MTDH: variants seen among roughly 807,000 people sequenced by gnomAD.
MTDH encodes protein LYRIC.
Under a neutral mutation model 72.7 loss-of-function variants are expected in MTDH, and 34 were observed. That is an observed-to-expected ratio of 0.47 (90% CI 0.36 to 0.62). MTDH has a LOEUF of 0.62. Among genes scored for constraint, MTDH ranks in the 20% least tolerant of loss-of-function variants. MTDH has a pLI of 0.00. For synonymous variants in MTDH, 266 were observed against 268.9 expected, an observed-to-expected ratio of 0.99 and a Z score of 0.10; for missense variants, 677 against 699.4, an observed-to-expected ratio of 0.97 and a Z score of 0.36.
At chr8:97,648,285 G>C (rs921308989) in intron 1 of MTDH, among the ~76,000 whole-genome samples, 11 of 151,296 alleles carry the variant, frequency 7.3e-5, no homozygotes, top group Non-Finnish European at 1.6e-4. Flanking sequence ...CCTGTTCCTG[G>C]CATTTTTGGA....
rs1355094826 is a variant in MTDH at position 97,728,267 on chromosome 8, G to A, written c.*3597G>A. The stretch of plus-strand genomic sequence containing the variant: ...AAATAAAACAAACCATTTTTGATTT[G>A]TTTAAATTGCTCGTTACAGTTCTCT... On this transcript the variant is annotated 3_prime_UTR_variant, in exon 12 of 12. Coordinates refer to ENST00000336273, the MANE Select transcript of MTDH (RefSeq NM_178812.4). The A allele has an allele frequency of 6.6e-6, 1 of 152,102 alleles. No individual in the cohort carries two copies. The highest frequency in any genetic ancestry group is 6.6e-5 in the Admixed American group (1 of 15,252). The allele number at this position is 152,102 out of a possible 1,614,324, so 9.4% of individuals were successfully genotyped here.
intron 2 of MTDH, among the ~76,000 whole-genome samples, 191 bp from the exon 3 acceptor site, chr8:97,686,477 A>C (rs1215116798): frequency 6.6e-6 from 1 of 152,236 alleles, no homozygotes; most frequent in Non-Finnish European, 1.5e-5. Context: ...CAGAATACTT[A>C]ACACATAGTA....
chr8:97,659,215 C>T (rs887620017), intron 1 of MTDH, among the ~76,000 whole-genome samples: 1 of 152,082 alleles, frequency 6.6e-6, no homozygotes, highest in Non-Finnish European at 1.5e-5. Flanking sequence ...AGATACGGCC[C>T]TAAGTCCACA....
chr8:97,697,382 T>G (rs1318957316), intron 6 of MTDH, among the ~76,000 whole-genome samples: 5 of 61,614 alleles, frequency 8.1e-5, no homozygotes, highest in Non-Finnish European at 1.4e-4. Context: ...ATTATTTCGG[T>G]TTTTTTTTTT....
At chr8:97,679,857 A>G (rs979533657) in intron 2 of MTDH, among the ~76,000 whole-genome samples, 15 of 152,286 alleles carry the variant, frequency 9.8e-5, no homozygotes, top group Middle Eastern at 3.4e-3. Flanking sequence ...GTGAGTTACC[A>G]TATGTTCCAT....
intron 2 of MTDH, among the ~76,000 whole-genome samples, chr8:97,662,404 AAAAAC>A (rs996369837): frequency 7.2e-5 from 11 of 151,790 alleles, no homozygotes; most frequent in African/African-American, 2.4e-4. Context: ...AAAAACAAAC[AAAAAC>A]AAAACAAGAC....
Position 97,660,979 on chromosome 8 carries a change from T to C in MTDH, c.382-93T>C, listed in dbSNP as rs1812153787. 23 of 900,006 alleles carry C rather than the reference T, an allele frequency of 2.6e-5. 1 individual carries two copies. In the South Asian group the frequency reaches 3.1e-4, roughly 12 times the overall value. The allele number at this position is 900,006 out of a possible 1,614,324, so 55.8% of individuals were successfully genotyped here. On this transcript the variant is annotated intron_variant, in intron 1 of 11. Transcript: ENST00000336273. ...TTTAAATTTAGGTACAGAGGTAGGA[T>C]TTGATTGTAGTATATATGGTTTCCT...
At chr8:97,687,391 C>T (rs949226409) in intron 3 of MTDH, 38 bp from the exon 4 acceptor site, 2 of 1,540,294 alleles carry the variant, frequency 1.3e-6, no homozygotes, top group Non-Finnish European at 1.8e-6. Context: ...TTTGTCTTCC[C>T]CTTACTGAAT....
At chr8:97,695,358 C>G (rs1371429598) in intron 6 of MTDH, among the ~76,000 whole-genome samples, 1 of 152,074 alleles carries the variant, frequency 6.6e-6, no homozygotes, top group African/African-American at 2.4e-5. Context: ...ATAATCTGCC[C>G]GCCTCGGCCC....
intron 6 of MTDH, among the ~76,000 whole-genome samples, chr8:97,692,473 A>G (rs1813650393): frequency 6.6e-6 from 1 of 151,764 alleles, no homozygotes; most frequent in South Asian, 2.1e-4. Context: ...CCTGGGTTCA[A>G]GCAATTCTCT....
chr8:97,718,871 A>G (rs1289967439), intron 9 of MTDH, among the ~76,000 whole-genome samples, 178 bp from the exon 10 acceptor site: 1 of 149,570 alleles, frequency 6.7e-6, no homozygotes, highest in Admixed American at 6.7e-5. Flanking sequence ...TAATTTTTGT[A>G]TTTTTGTAGA....
intron 2 of MTDH, among the ~76,000 whole-genome samples, chr8:97,670,914 G>A (rs998485540): frequency 1.3e-5 from 2 of 150,114 alleles, no homozygotes; most frequent in African/African-American, 2.5e-5. Context: ...CCACTGCCAC[G>A]CCTGGCTAAT....
At chr8:97,663,537 A>G (rs942859878) in intron 2 of MTDH, among the ~76,000 whole-genome samples, 1 of 151,948 alleles carries the variant, frequency 6.6e-6, no homozygotes, top group Non-Finnish European at 1.5e-5. Context: ...TCACGAGGTC[A>G]GGAGATCGAG....
rs1350566599 is a variant in MTDH at position 97,726,202 on chromosome 8, A to G, written c.*1532A>G. The stretch of plus-strand genomic sequence containing the variant: ...TCCTAACAAGAGATTATTAACTTTT[A>G]TCAGGTGTTAACATCTGTTTCAGGA... On this transcript the variant is annotated 3_prime_UTR_variant, in exon 12 of 12. Transcript: ENST00000336273. 1 of 152,678 alleles carries G rather than the reference A, an allele frequency of 6.5e-6. No homozygotes were observed. The highest frequency in any genetic ancestry group is 2.4e-5 in the African/African-American group (1 of 41,474). 9.5% of individuals were successfully genotyped at this position (152,678 alleles called of 1,614,324 possible).
At chr8:97,724,184 C>G (rs761337102) in intron 11 of MTDH, among the ~76,000 whole-genome samples, 31 of 152,290 alleles carry the variant, frequency 2.0e-4, no homozygotes, top group Middle Eastern at 6.8e-3. Context: ...ACTTTCATGC[C>G]TGCCTGCTTG....
Position 97,724,581 on chromosome 8 carries a change from T to TC in MTDH, c.1679-14dup, listed in dbSNP as rs779459619. On this transcript the variant is annotated intron_variant, in intron 11 of 11. Coordinates refer to ENST00000336273, the MANE Select transcript of MTDH (RefSeq NM_178812.4). ...ATCCTCCTAATTTTTTTCTTCGTTT[T>TC]CCCCCTTTTCTTTTTTAGCCAAGTC... The TC allele has an allele frequency of 1.3e-6, 2 of 1,565,962 alleles. No homozygotes were observed. Among genetic ancestry groups the TC allele is most frequent in the Non-Finnish European group, 1.7e-6 (2 of 1,161,414 alleles).
intron 1 of MTDH, among the ~76,000 whole-genome samples, chr8:97,653,096 C>T (rs1052304782): frequency 2.7e-5 from 4 of 148,688 alleles, no homozygotes; most frequent in South Asian, 2.1e-4. Context: ...TCTAGCCTGG[C>T]GACAGAGCGA....
intron 1 of MTDH, among the ~76,000 whole-genome samples, chr8:97,648,798 TTGCACAGTGCTTGGTAC>T (rs1811658875): frequency 6.6e-6 from 1 of 152,260 alleles, no homozygotes; most frequent in Non-Finnish European, 1.5e-5. Context: ...CCAGATAGCC[TTGCACAGTGCTTGGTAC>T]TCAAAAATAA....
chr8:97,686,907 G>A (rs1318643464), intron 3 of MTDH, among the ~76,000 whole-genome samples, 155 bp downstream of exon 3: 2 of 152,072 alleles, frequency 1.3e-5, no homozygotes, highest in Non-Finnish European at 2.9e-5. Context: ...ACACTGTTAG[G>A]AAACGCTTTT....
Sources: allele counts gnomAD v4.1 joint callset (sites outside exome capture counted in the v4.1 genomes callset), GRCh38; gene constraint gnomAD v4.1.1; transcripts MANE v1.5; gene names NCBI Gene and HGNC (gene_info 2026-07-23, HGNC 2026-07-21).